Variants in RNF122 observed in about 807,000 individuals in gnomAD.
RNF122 encodes ring finger protein 122.
RNF122 carries 17 observed loss-of-function variants against 24.2 expected under a neutral mutation model. The ratio of observed to expected loss-of-function variants is 0.70; its 90% confidence interval spans 0.48 to 1.06. The LOEUF (loss-of-function observed/expected upper bound fraction) is 1.06, where lower values mean the gene tolerates loss of function less well. Among genes scored for constraint, RNF122 ranks in the 50% least tolerant of loss-of-function variants. The pLI is 0.00. For missense variants in RNF122, 168 were observed against 198.1 expected, an observed-to-expected ratio of 0.85 and a Z score of 0.91; for synonymous variants, 65 against 71.8, an observed-to-expected ratio of 0.91 and a Z score of 0.48.
chr8:33,552,439 C>T (rs7845224), intron 2 of RNF122, among the ~76,000 whole-genome samples: 95,939 of 151,964 alleles, frequency 0.63, 31,164 homozygotes, highest in African/African-American at 0.79. Context: ...AAAATGAAGC[C>T]CAAAGAAGTG....
At chr8:33,557,712 G>A (rs1004763630) in intron 2 of RNF122, among the ~76,000 whole-genome samples, 7 of 152,130 alleles carry the variant, frequency 4.6e-5, no homozygotes, top group South Asian at 2.1e-4. Context: ...AAGAGAAAGC[G>A]TTCCTGGAGT....
chr8:33,560,624 A>G (rs1810527019), intron 1 of RNF122, among the ~76,000 whole-genome samples: 1 of 151,854 alleles, frequency 6.6e-6, no homozygotes, highest in African/African-American at 2.4e-5. Context: ...CTGTAGCTGG[A>G]AAGAGCAGCT....
intron 5 of RNF122, 54 bp from the exon 6 acceptor site, chr8:33,548,921 G>C: frequency 8.0e-7 from 1 of 1,245,074 alleles, no homozygotes; most frequent in Non-Finnish European, 1.2e-6. Flanking sequence ...CGCTGCTCCA[G>C]TTGTCTCTCA....
At chr8:33,551,422 G>C (rs370614470) in intron 2 of RNF122, 33 bp from the exon 3 acceptor site, 3 of 1,612,330 alleles carry the variant, frequency 1.9e-6, no homozygotes, top group Non-Finnish European at 2.5e-6. Flanking sequence ...AGAGAAAGCA[G>C]GTTAAATGGA....
Position 33,566,749 on chromosome 8 carries a change from G to A in RNF122, c.-26C>T. The A allele has an allele frequency of 1.2e-6, 2 of 1,600,670 alleles. No individual in the cohort carries two copies. Among genetic ancestry groups the A allele is most frequent in the Non-Finnish European group, 8.5e-7 (1 of 1,174,664 alleles). ...CAATGAAGTCGCGGTTGGCTTCCTC[G>A]GGCGAACGGACGCAGGCGGGGTGCC... On this transcript the variant is annotated 5_prime_UTR_variant, in exon 1 of 6. Coordinates refer to ENST00000256257, the MANE Select transcript of RNF122 (RefSeq NM_024787.3).
chr8:33,566,819 G>A lies in RNF122; in HGVS notation c.-96C>T, dbSNP rs1167498149. ...ACTAGCGGCGTGAGGGGCCGCAGGC[G>A]GGGTCGGGGCAGCGCGCTGCAGCCG... On this transcript the variant is annotated 5_prime_UTR_variant, in exon 1 of 6. Coordinates refer to ENST00000256257, the MANE Select transcript of RNF122 (RefSeq NM_024787.3). 1.4e-6 allele frequency: 2 copies of A among 1,417,408 alleles called. No homozygotes were observed. The highest frequency in any genetic ancestry group is 2.0e-6 in the Non-Finnish European group (2 of 1,025,528). The allele number at this position is 1,417,408 out of a possible 1,614,324, so 87.8% of individuals were successfully genotyped here.
chr8:33,564,951 G>A (rs1334368238), intron 1 of RNF122, among the ~76,000 whole-genome samples: 4 of 152,166 alleles, frequency 2.6e-5, no homozygotes, highest in Non-Finnish European at 1.5e-5. Context: ...GCCCAGAAAG[G>A]GCAGTGTTAC....
At position 33,548,738 on chromosome 8, in the gene RNF122, G is replaced by C; in HGVS notation, c.*15C>G. On this transcript the variant is annotated 3_prime_UTR_variant, in exon 6 of 6. Coordinates refer to ENST00000256257, the MANE Select transcript of RNF122 (RefSeq NM_024787.3). ...GGCAAGAGGTCTTCTCCAGGTCTCGGTGTAGCGGCAGCACTCACACCAGCT... is the reference window on the plus strand; with the variant it reads ...GGCAAGAGGTCTTCTCCAGGTCTCGCTGTAGCGGCAGCACTCACACCAGCT... 1 of 1,544,876 alleles carries C rather than the reference G, an allele frequency of 6.5e-7. No individual in the cohort carries two copies. The highest frequency in any genetic ancestry group is 9.0e-7 in the Non-Finnish European group (1 of 1,116,976).
chr8:33,551,314 G>A (rs749840513), intron 3 of RNF122, 30 bp downstream of exon 3: 4 of 1,613,390 alleles, frequency 2.5e-6, no homozygotes, highest in South Asian at 1.1e-5. Context: ...GGCAGAGAAG[G>A]AAGCTTCTGG....
In RNF122 at chr8:33,551,158, T is replaced by C. The variant is rs1035929438; in HGVS notation, c.229-73A>G. Reference sequence around the variant, plus strand: ...GGGCCAGCCAGGTAGTATCAACCAATGAAGGGAGTCCCCTGGACTGCCTGG... The same window carrying C: ...GGGCCAGCCAGGTAGTATCAACCAACGAAGGGAGTCCCCTGGACTGCCTGG... On this transcript the variant is annotated intron_variant, in intron 3 of 5. Coordinates refer to ENST00000256257, the MANE Select transcript of RNF122 (RefSeq NM_024787.3). The C allele has an allele frequency of 7.1e-6, 11 of 1,559,228 alleles. No individual in the cohort carries two copies. In the African/African-American group the frequency reaches 9.5e-5, roughly 13 times the overall value.
rs1196752286 is a variant in RNF122, at chr8:33,566,980, C to A, written c.-257G>T. ...CCGCACGGAGCGCACGCGCCAAGGG[C>A]CCCGGGCTGGGGGAATGTGGGGCGC... On this transcript the variant is annotated 5_prime_UTR_variant, in exon 1 of 6. Coordinates refer to ENST00000256257, the MANE Select transcript of RNF122 (RefSeq NM_024787.3). 7 of 507,430 alleles carry A rather than the reference C, an allele frequency of 1.4e-5. No homozygotes were observed. The highest frequency in any genetic ancestry group is 1.8e-5 in the Non-Finnish European group (5 of 282,684). The allele number at this position is 507,430 out of a possible 1,614,324, so 31.4% of individuals were successfully genotyped here.
At chr8:33,555,107 C>T (rs1479511557) in intron 2 of RNF122, among the ~76,000 whole-genome samples, 2 of 152,228 alleles carry the variant, frequency 1.3e-5, no homozygotes, top group East Asian at 3.8e-4. Context: ...AAGGAGATTA[C>T]TAAAGGAACA....
intron 2 of RNF122, among the ~76,000 whole-genome samples, chr8:33,556,179 C>CAAAAAAAA (rs538829399): frequency 0.015 from 497 of 33,972 alleles, 39 homozygotes; most frequent in African/African-American, 0.048. Flanking sequence ...GACCCTGTCT[C>CAAAAAAAA]AAAAAAAAAA....
intron 1 of RNF122, among the ~76,000 whole-genome samples, chr8:33,562,339 T>A (rs1365046440): frequency 6.6e-6 from 1 of 151,514 alleles, no homozygotes; most frequent in Non-Finnish European, 1.5e-5. Flanking sequence ...AGTTCAAGAC[T>A]AACCTAGGCA....
In RNF122 at chr8:33,566,899, G is replaced by A; in HGVS notation, c.-176C>T. 1 of 687,186 alleles carries A rather than the reference G, an allele frequency of 1.5e-6. No homozygotes were observed. Among genetic ancestry groups the A allele is most frequent in the Admixed American group, 2.3e-5 (1 of 43,570 alleles). The allele number at this position is 687,186 out of a possible 1,614,324, so 42.6% of individuals were successfully genotyped here. On this transcript the variant is annotated 5_prime_UTR_variant, in exon 1 of 6. Coordinates refer to ENST00000256257, the MANE Select transcript of RNF122 (RefSeq NM_024787.3). ...AGTGGGGGGCTTTGACGAGGCTGGT[G>A]TTCAGCCCAACAAAGAGGGACGAGG...
intron 1 of RNF122, among the ~76,000 whole-genome samples, chr8:33,561,416 A>G (rs1044832852): frequency 6.6e-6 from 1 of 152,076 alleles, no homozygotes; most frequent in African/African-American, 2.4e-5. Context: ...GCTGTGCCCA[A>G]TTCTACTGCC....
At chr8:33,564,006 T>C (rs933849774) in intron 1 of RNF122, among the ~76,000 whole-genome samples, 6 of 152,078 alleles carry the variant, frequency 3.9e-5, no homozygotes, top group Admixed American at 1.3e-4. Context: ...TTTCACGTGA[T>C]AAAGAGGTCG....
intron 2 of RNF122, among the ~76,000 whole-genome samples, chr8:33,557,427 C>T (rs7835315): frequency 0.071 from 10,741 of 151,970 alleles, 1,218 homozygotes; most frequent in African/African-American, 0.24. Flanking sequence ...GTCAGGAGTT[C>T]GAGACCTGCC....
intron 2 of RNF122, among the ~76,000 whole-genome samples, chr8:33,556,762 T>A (rs569034989): frequency 1.3e-5 from 2 of 152,306 alleles, no homozygotes; most frequent in South Asian, 4.1e-4. Context: ...CAGACCCAAC[T>A]GTACAAGAGG....
Sources: allele counts gnomAD v4.1 joint callset (sites outside exome capture counted in the v4.1 genomes callset), GRCh38; gene constraint gnomAD v4.1.1; transcripts MANE v1.5; gene names NCBI Gene and HGNC (gene_info 2026-07-23, HGNC 2026-07-21).